DAD1: variants seen among roughly 807,000 people sequenced by gnomAD.
DAD1 encodes defender against cell death 1.
DAD1 carries 4 observed loss-of-function variants against 9.0 expected under a neutral mutation model. The ratio of observed to expected loss-of-function variants is 0.44; its 90% confidence interval spans 0.22 to 1.01. The LOEUF (loss-of-function observed/expected upper bound fraction) is 1.01, where lower values mean the gene tolerates loss of function less well. Ranked by LOEUF, DAD1 falls within the 50% of genes least tolerant of loss-of-function variation. The pLI is 0.24. For synonymous variants in DAD1, 60 were observed against 62.5 expected (o/e 0.96, Z 0.19); for missense variants, 119 against 137.3 (o/e 0.87, Z 0.67).
At chr14:22,571,000 G>T (rs1441549216) in intron 2 of DAD1, among the ~76,000 whole-genome samples, 1 of 142,354 alleles carries the variant, frequency 7.0e-6, no homozygotes, top group Non-Finnish European at 1.5e-5. Context: ...CACCTGAGAT[G>T]GACTGAGATT....
chr14:22,573,403 T>C (rs1296704371), intron 2 of DAD1, among the ~76,000 whole-genome samples: 1 of 152,030 alleles, frequency 6.6e-6, no homozygotes, highest in Non-Finnish European at 1.5e-5. Flanking sequence ...CAAGTCTTAA[T>C]CAGGTGTCTA....
intron 2 of DAD1, among the ~76,000 whole-genome samples, chr14:22,571,516 A>C (rs5742824): frequency 0.093 from 14,038 of 151,612 alleles, 1,198 homozygotes; most frequent in African/African-American, 0.22. Flanking sequence ...TCACTGGGAG[A>C]ATTTTTGCTT....
chr14:22,583,513 G>A (rs2037132317), intron 1 of DAD1, among the ~76,000 whole-genome samples: 1 of 152,150 alleles, frequency 6.6e-6, no homozygotes, highest in Non-Finnish European at 1.5e-5. Context: ...GGAATGAATA[G>A]TTAAGGGAGG....
intron 2 of DAD1, among the ~76,000 whole-genome samples, chr14:22,574,058 A>G (rs1366233598): frequency 6.6e-6 from 1 of 152,202 alleles, no homozygotes; most frequent in Non-Finnish European, 1.5e-5. Context: ...AGATCTCCTA[A>G]GGTTCTCTTT....
intron 2 of DAD1, among the ~76,000 whole-genome samples, chr14:22,565,459 G>A (rs2036996610): frequency 6.6e-6 from 1 of 152,100 alleles, no homozygotes; most frequent in Non-Finnish European, 1.5e-5. Context: ...GACTTCCCTG[G>A]CCCACAAATT....
chr14:22,570,315 C>G (rs2037029934), intron 2 of DAD1, among the ~76,000 whole-genome samples: 1 of 152,098 alleles, frequency 6.6e-6, no homozygotes, highest in African/African-American at 2.4e-5. Flanking sequence ...TCTTGGTCTT[C>G]CCCCACACAA....
intron 1 of DAD1, among the ~76,000 whole-genome samples, chr14:22,577,636 G>A (rs568545700): frequency 5.9e-5 from 9 of 152,292 alleles, no homozygotes; most frequent in East Asian, 1.9e-4. Context: ...GCTACAACAC[G>A]GCTGAATCTT....
At chr14:22,577,279 C>A (rs970326211) in intron 1 of DAD1, among the ~76,000 whole-genome samples, 1 of 152,038 alleles carries the variant, frequency 6.6e-6, no homozygotes, top group Non-Finnish European at 1.5e-5. Context: ...ACTAAAAATA[C>A]AAAAATTAGC....
At chr14:22,584,395 A>G (rs1232331755) in intron 1 of DAD1, among the ~76,000 whole-genome samples, 5 of 152,042 alleles carry the variant, frequency 3.3e-5, no homozygotes, top group African/African-American at 7.3e-5. Context: ...AAAGACCTCA[A>G]TCTGCTGGAG....
chr14:22,580,224 C>A (rs529008961), intron 1 of DAD1, among the ~76,000 whole-genome samples: 2 of 151,752 alleles, frequency 1.3e-5, no homozygotes, highest in South Asian at 4.2e-4. Context: ...TTGAGACCAG[C>A]CTGGGAAAGA....
In DAD1 at chr14:22,568,695, A is replaced by ATTT. The variant is rs59847356; in HGVS notation, c.*45-3561_*45-3559dup. ...CAAAGCCTACAATACAAGTCTTCTG[A>ATTT]TTTTTTTTTTTTTTTTTTTGAGACA... On this transcript the variant is annotated intron_variant, in intron 2 of 2. Transcript: ENST00000250498. Among the ~76,000 whole-genome samples, 80 of 136,506 alleles carry ATTT rather than the reference A, an allele frequency of 5.9e-4. 1 individual carries two copies. The highest frequency in any genetic ancestry group is 2.1e-3 in the African/African-American group (76 of 36,416). 89.6% of individuals were successfully genotyped at this position (136,506 alleles called of 152,430 possible).
At chr14:22,570,239 A>C (rs5742831) in intron 2 of DAD1, among the ~76,000 whole-genome samples, 2,248 of 152,314 alleles carry the variant, frequency 0.015, 32 homozygotes, top group Non-Finnish European at 0.022. Context: ...CCAAAAAAAG[A>C]AGCTCTCAAA....
At chr14:22,570,630 T>C (rs1022672776) in intron 2 of DAD1, among the ~76,000 whole-genome samples, 2 of 152,212 alleles carry the variant, frequency 1.3e-5, no homozygotes, top group Non-Finnish European at 2.9e-5. Context: ...TCTAGATTAC[T>C]ATACTTTAAC....
chr14:22,571,985 C>G (rs1850068455), intron 2 of DAD1, among the ~76,000 whole-genome samples: 1 of 152,128 alleles, frequency 6.6e-6, no homozygotes, highest in South Asian at 2.1e-4. Context: ...GAACAGCAAG[C>G]CTATCCTCGT....
rs368295339 is a variant in DAD1, at chr14:22,587,475, G to C, written c.211+1472C>G. ...GGAGAATACTTAGAGCAAAGGGGTA[G>C]TGTATCTGGTCGGATGATGGTTAAC... On this transcript the variant is annotated intron_variant, in intron 1 of 2. Coordinates refer to ENST00000250498, the MANE Select transcript of DAD1 (RefSeq NM_001344.4). 2.2e-4 allele frequency among the ~76,000 whole-genome samples: 34 copies of C among 152,308 alleles called. No individual in the cohort carries two copies. The South Asian group carries it at 7.0e-3, about 32-fold the overall frequency.
At chr14:22,586,128 C>T (rs926926634) in intron 1 of DAD1, among the ~76,000 whole-genome samples, 1 of 150,922 alleles carries the variant, frequency 6.6e-6, no homozygotes, top group Non-Finnish European at 1.5e-5. Context: ...ATGGCGTGAA[C>T]GCAGGAGGCG....
chr14:22,578,835 C>G (rs1277164252), intron 1 of DAD1, among the ~76,000 whole-genome samples: 1 of 152,142 alleles, frequency 6.6e-6, no homozygotes, highest in African/African-American at 2.4e-5. Flanking sequence ...CAGAGTTACA[C>G]TGAAACCTAG....
intron 1 of DAD1, among the ~76,000 whole-genome samples, chr14:22,580,205 C>CCCAAGAGGTTGAGA (rs1358289939): frequency 1.3e-5 from 2 of 151,938 alleles, no homozygotes; most frequent in African/African-American, 4.8e-5. Flanking sequence ...ATCGCTTGAG[C>CCCAAGAGGTTGAGA]CCAAGAGCTT....
intron 2 of DAD1, 61 bp downstream of exon 2, chr14:22,574,998 C>A: frequency 2.1e-6 from 3 of 1,436,816 alleles, no homozygotes; most frequent in African/African-American, 1.4e-5. Flanking sequence ...CAAAACCAGT[C>A]CCATCCAATT....
Sources: gnomAD v4.1 joint callset for allele counts (sites outside exome capture counted in the v4.1 genomes callset) on GRCh38, gnomAD v4.1.1 for gene constraint, MANE v1.5 for transcripts, NCBI Gene and HGNC (gene_info 2026-07-23, HGNC 2026-07-21) for gene names.